The following SREBF1 variants were observed in gnomAD, a reference collection of about 807,000 sequenced individuals.
The protein encoded by SREBF1 is sterol regulatory element-binding protein 1.
In SREBF1, 45 loss-of-function variants were observed where a neutral mutation model predicts 100.1. The observed-to-expected ratio is 0.45, with a 90% CI of 0.35 to 0.58. The LOEUF (loss-of-function observed/expected upper bound fraction) is 0.58. Ranked by LOEUF, SREBF1 falls within the 20% of genes least tolerant of loss-of-function variation. The pLI is 0.00. For synonymous variants in SREBF1, 657 were observed against 681.8 expected (o/e 0.96, Z 0.57); for missense variants, 1,324 against 1,539.4 (o/e 0.86, Z 2.34).
At position 17,815,318 on chromosome 17, in the gene SREBF1, C is replaced by T. The variant is rs2033438180; in HGVS notation, c.2395G>A (p.Ala799Thr). 6.2e-7 allele frequency: 1 copy of T among 1,613,366 alleles called. No homozygotes were observed. Among genetic ancestry groups the T allele is most frequent in the Admixed American group, 1.7e-5 (1 of 60,004 alleles). ...TCCCGGAATAGCTGAGTCACCTGGGCCAGGGGGTCCACTGTGGAGAGGAGG... is the reference window on the plus strand; with the variant it reads ...TCCCGGAATAGCTGAGTCACCTGGGTCAGGGGGTCCACTGTGGAGAGGAGG... Reference protein sequence around the residue: ...SLAGNPVDPLAQVTQLFREHL... With the variant: ...SLAGNPVDPLTQVTQLFREHL... Residue 799 changes from alanine (A) to threonine (T), a missense_variant, in exon 13 of 19, where the codon GCC (alanine) becomes ACC (threonine). Transcript: ENST00000261646.
intron 1 of SREBF1, among the ~76,000 whole-genome samples, chr17:17,830,602 G>A (rs951615291): frequency 6.6e-6 from 1 of 152,210 alleles, no homozygotes; most frequent in Admixed American, 6.5e-5. Flanking sequence ...AAGGCCTGCT[G>A]GGAGACAGGT....
intron 1 of SREBF1, among the ~76,000 whole-genome samples, chr17:17,826,540 G>A (rs2034502151): frequency 6.6e-6 from 1 of 152,176 alleles, no homozygotes; most frequent in Non-Finnish European, 1.5e-5. Flanking sequence ...AGGAAGAGGA[G>A]GCATAGACTC....
At chr17:17,822,339 G>T (rs1257999773) in intron 1 of SREBF1, among the ~76,000 whole-genome samples, 2 of 152,278 alleles carry the variant, frequency 1.3e-5, no homozygotes, top group African/African-American at 2.4e-5. Flanking sequence ...CAACCAGTGT[G>T]TCTCTGTGTA....
At chr17:17,820,012 A>G in intron 2 of SREBF1, 78 bp downstream of exon 2, 1 of 1,453,974 alleles carries the variant, frequency 6.9e-7, no homozygotes, top group Non-Finnish European at 9.3e-7. Flanking sequence ...ACCTCTACTC[A>G]CATCACAGCA....
Position 17,812,702 on chromosome 17 carries a change from G to A in SREBF1, c.3364C>T (p.Leu1122Phe). The change falls in exon 19 of 19, where the codon CTT (leucine) becomes TTT (phenylalanine). Residue 1122 changes from leucine (L) to phenylalanine (F), a missense_variant. By Grantham distance (22) the Leu-to-Phe change is conservative (BLOSUM62 0). Coordinates refer to ENST00000261646, the MANE Select transcript of SREBF1 (RefSeq NM_004176.5). ...LAEAARTLEK[L>F]GDRRLLHDCQ... ...TCGTGCAGCAGCCGGCGATCGCCAAGCTTCTCGAGTGTGCGCGCCGCCTCA... is the reference window on the plus strand; with the variant it reads ...TCGTGCAGCAGCCGGCGATCGCCAAACTTCTCGAGTGTGCGCGCCGCCTCA... The A allele has an allele frequency of 6.2e-7, 1 of 1,603,480 alleles. No individual in the cohort carries two copies. The highest frequency in any genetic ancestry group is 8.5e-7 in the Non-Finnish European group (1 of 1,175,390).
At chr17:17,825,203 C>A (rs1220628138) in intron 1 of SREBF1, among the ~76,000 whole-genome samples, 1 of 152,228 alleles carries the variant, frequency 6.6e-6, no homozygotes, top group East Asian at 1.9e-4. Flanking sequence ...AGGGCCAGGG[C>A]CACTGTGAAC....
chr17:17,812,464 G>A lies in SREBF1; in HGVS notation c.*158C>T, dbSNP rs965564906. On this transcript the variant is annotated 3_prime_UTR_variant, in exon 19 of 19. Coordinates refer to ENST00000261646, the MANE Select transcript of SREBF1 (RefSeq NM_004176.5). ...TCTTAGGGTCAAGATCGCGCCCCTC[G>A]GGCCTTCCACCGCGAAGGCACACAG... 1 of 761,552 alleles carries A rather than the reference G, an allele frequency of 1.3e-6. No homozygotes were observed. The highest frequency in any genetic ancestry group is 2.1e-6 in the Non-Finnish European group (1 of 476,382). 47.2% of individuals were successfully genotyped at this position (761,552 alleles called of 1,614,324 possible). A position where few individuals can be genotyped will look rare whatever the true frequency, so the allele number is the denominator to read the frequency against.
chr17:17,832,672 G>A (rs1217572461), intron 1 of SREBF1, among the ~76,000 whole-genome samples: 5 of 152,304 alleles, frequency 3.3e-5, no homozygotes, highest in African/African-American at 9.6e-5. Flanking sequence ...TGTAATCCCA[G>A]CACTTTGGGA....
In SREBF1 at chr17:17,832,825, G is replaced by T. The variant is rs28528721; in HGVS notation, c.91+3902C>A. 9.1e-3 allele frequency among the ~76,000 whole-genome samples: 1,389 copies of T among 152,196 alleles called. 21 individuals carry two copies. The highest frequency in any genetic ancestry group is 0.03 in the African/African-American group (1,230 of 41,520). On this transcript the variant is annotated intron_variant, in intron 1 of 18. Coordinates refer to ENST00000261646, the MANE Select transcript of SREBF1 (RefSeq NM_004176.5). Reference sequence around the variant, plus strand: ...GTCCCAAGCTACTCGGGAGGCTGAGGCAGGAGAATGGTGTGAACCCGGGAG... The same window carrying T: ...GTCCCAAGCTACTCGGGAGGCTGAGTCAGGAGAATGGTGTGAACCCGGGAG...
Position 17,819,719 on chromosome 17 carries a change from G to C in SREBF1, c.530C>G (p.Pro177Arg), listed in dbSNP as rs1015074620. The C allele has an allele frequency of 1.2e-6, 2 of 1,602,424 alleles. No individual in the cohort carries two copies. The highest frequency in any genetic ancestry group is 1.7e-6 in the Non-Finnish European group (2 of 1,177,304). Residue 177 changes from proline to arginine, a missense_variant, in exon 3 of 19, where the codon CCT (proline) becomes CGT (arginine). Physicochemically the swap from Pro to Arg is moderately radical, Grantham distance 103. Coordinates refer to ENST00000261646, the MANE Select transcript of SREBF1 (RefSeq NM_004176.5). Reference sequence around the variant, plus strand: ...CAGCGGCTGCTGGGTGTTCCCGGGAGGGCTTCCTGCAGAAATAAAGCATGG... The same window carrying C: ...CAGCGGCTGCTGGGTGTTCCCGGGACGGCTTCCTGCAGAAATAAAGCATGG... ...SPPGGFSTGSPPGNTQQPLPG... is the reference protein window; with the variant it reads ...SPPGGFSTGSRPGNTQQPLPG...
intron 5 of SREBF1, chr17:17,818,684 G>C: frequency 1.8e-6 from 1 of 546,592 alleles, no homozygotes; most frequent in South Asian, 2.0e-5. Context: ...TGCTTTCTCT[G>C]CAACGAGCCA....
Position 17,814,389 on chromosome 17 carries a change from A to C in SREBF1, c.2757T>G (p.Ala919=). 1 of 1,561,160 alleles carries C rather than the reference A, an allele frequency of 6.4e-7. No homozygotes were observed. Among genetic ancestry groups the C allele is most frequent in the Non-Finnish European group, 8.7e-7 (1 of 1,152,640 alleles). ...CCCGGGCAGCCTTGAAGGAGTGCAGAGCTGCCCTGGGCAGGGGTCTCCTGT... is the reference window on the plus strand; with the variant it reads ...CCCGGGCAGCCTTGAAGGAGTGCAGCGCTGCCCTGGGCAGGGGTCTCCTGT... ...QESERPLPRA[A]LHSFKAARAL... is the part of the protein sequence containing the mutation. Residue 919 remains alanine (A), a synonymous_variant, in exon 16 of 19, where the codon GCT becomes GCG. Transcript: ENST00000261646.
intron 5 of SREBF1, 40 bp from the exon 6 acceptor site, chr17:17,818,414 T>A (rs747592710): frequency 3.5e-5 from 54 of 1,525,634 alleles, no homozygotes; most frequent in Non-Finnish European, 4.8e-5. Flanking sequence ...ACAGGTGGCC[T>A]GTCAGGTCGG....
At chr17:17,818,136 G>T in intron 6 of SREBF1, 124 bp downstream of exon 6, 2 of 866,772 alleles carry the variant, frequency 2.3e-6, no homozygotes, top group Non-Finnish European at 3.8e-6. Context: ...CCAAGGGTGA[G>T]GTGGGCAGGG....
rs1223791363 is a variant in SREBF1, at chr17:17,812,800, G to A, written c.3266C>T (p.Ala1089Val). 2.6e-6 allele frequency: 4 copies of A among 1,515,386 alleles called. No individual in the cohort carries two copies. The highest frequency in any genetic ancestry group is 2.5e-5 in the East Asian group (1 of 40,108). 93.9% of individuals were successfully genotyped at this position (1,515,386 alleles called of 1,614,324 possible). A position where few individuals can be genotyped will look rare whatever the true frequency, so the allele number is the denominator to read the frequency against. Residue 1089 changes from alanine (A) to valine (V), a missense_variant, in exon 19 of 19, where the codon GCC becomes GTC. By Grantham distance (64) the Ala-to-Val change is moderately conservative. Coordinates refer to ENST00000261646, the MANE Select transcript of SREBF1 (RefSeq NM_004176.5). Reference protein sequence around the residue: ...PRPTRREHAEALLLASCYLPP... With the variant: ...PRPTRREHAEVLLLASCYLPP... ...CAGGTAGCAGGAGGCCAGCAGCAAGGCCTCCGCGTGCTCCCGCCGCGTGGG... is the reference window on the plus strand; with the variant it reads ...CAGGTAGCAGGAGGCCAGCAGCAAGACCTCCGCGTGCTCCCGCCGCGTGGG...
intron 12 of SREBF1, chr17:17,815,588 G>A: frequency 1.7e-6 from 1 of 596,380 alleles, no homozygotes. Context: ...AGATGCCATT[G>A]TTGGCTCCGC....
intron 1 of SREBF1, among the ~76,000 whole-genome samples, chr17:17,832,157 T>C (rs1194312443): frequency 6.6e-6 from 1 of 152,206 alleles, no homozygotes; most frequent in Non-Finnish European, 1.5e-5. Flanking sequence ...AATTCTGGCT[T>C]TGCCATCATC....
chr17:17,812,258 A>AG lies in SREBF1; in HGVS notation c.*363dup. The AG allele has an allele frequency of 2.4e-6, 1 of 413,184 alleles. No homozygotes were observed. Among genetic ancestry groups the AG allele is most frequent in the Non-Finnish European group, 4.4e-6 (1 of 226,398 alleles). The allele number at this position is 413,184 out of a possible 1,614,324, so 25.6% of individuals were successfully genotyped here. ...GCCTCTGGGGCAGAGCCCTGCTTGC[A>AG]GTCCGGGAAAGCCAAGTTGGCTTCC... On this transcript the variant is annotated 3_prime_UTR_variant, in exon 19 of 19. Transcript: ENST00000261646.
At chr17:17,816,418 C>G (rs1598116461) in intron 10 of SREBF1, 39 bp downstream of exon 10, 1 of 1,600,802 alleles carries the variant, frequency 6.2e-7, no homozygotes, top group Non-Finnish European at 8.5e-7. Flanking sequence ...GCACAGGCAG[C>G]AGGGAGCACC....
Sources: gnomAD v4.1 joint callset for allele counts (sites outside exome capture counted in the v4.1 genomes callset) on GRCh38, gnomAD v4.1.1 for gene constraint, MANE v1.5 for transcripts, NCBI Gene and HGNC (gene_info 2026-07-23, HGNC 2026-07-21) for gene names.